Variants in MAPRE2 observed in about 807,000 individuals in gnomAD.
MAPRE2 encodes the protein microtubule-associated protein RP/EB family member 2.
A neutral mutation model predicts 43.2 loss-of-function variants in MAPRE2; 13 were observed. The ratio of observed to expected loss-of-function variants is 0.30; its 90% confidence interval spans 0.20 to 0.48. The LOEUF (loss-of-function observed/expected upper bound fraction) is 0.48, where lower values mean the gene tolerates loss of function less well. Ranked by LOEUF, MAPRE2 falls within the 20% of genes least tolerant of loss-of-function variation. The pLI is 0.99. For synonymous variants in MAPRE2, 135 were observed against 148.8 expected (o/e 0.91, Z 0.68); for missense variants, 161 against 400.2 (o/e 0.40, Z 5.10).
intron 4 of MAPRE2, among the ~76,000 whole-genome samples, chr18:35,117,559 GT>G (rs1024390891): frequency 1.3e-5 from 2 of 152,220 alleles, no homozygotes; most frequent in African/African-American, 4.8e-5. Context: ...TGATGTAGTT[GT>G]TGTGGTGACA....
At chr18:35,105,387 T>A (rs1908856968) in intron 4 of MAPRE2, among the ~76,000 whole-genome samples, 1 of 152,132 alleles carries the variant, frequency 6.6e-6, no homozygotes, top group Non-Finnish European at 1.5e-5. Context: ...AAATATGCTC[T>A]GATTTTTGGG....
chr18:35,078,016 CT>C (rs1419155809), intron 2 of MAPRE2, among the ~76,000 whole-genome samples: 3 of 151,970 alleles, frequency 2.0e-5, no homozygotes, highest in African/African-American at 7.2e-5. Flanking sequence ...TTTTTCTTTT[CT>C]CCCTTTCAGT....
intron 1 of MAPRE2, among the ~76,000 whole-genome samples, chr18:34,991,250 C>T (rs1036503960): frequency 3.9e-5 from 6 of 152,080 alleles, no homozygotes; most frequent in Non-Finnish European, 8.8e-5. Flanking sequence ...CCATTGTTCC[C>T]GTCTTTACGT....
rs957351218 is a variant in MAPRE2 at position 35,141,616 on chromosome 18, T to C, written c.*1247T>C. 15 of 151,718 alleles carry C rather than the reference T, an allele frequency of 9.9e-5. No individual in the cohort carries two copies. The highest frequency in any genetic ancestry group is 3.7e-4 in the African/African-American group (15 of 40,956). The allele number at this position is 151,718 out of a possible 1,614,324, so 9.4% of individuals were successfully genotyped here. A position where few individuals can be genotyped will look rare whatever the true frequency, so the allele number is the denominator to read the frequency against. Reference sequence around the variant, plus strand: ...AAAGCATTCCTTATTTTTTAACTAATATTTGTACATTTTCTTAGTCTCTTT... The same window carrying C: ...AAAGCATTCCTTATTTTTTAACTAACATTTGTACATTTTCTTAGTCTCTTT... On this transcript the variant is annotated 3_prime_UTR_variant, in exon 7 of 7. Coordinates refer to ENST00000300249, the MANE Select transcript of MAPRE2 (RefSeq NM_014268.4).
At chr18:35,125,771 T>G (rs1035176126) in intron 4 of MAPRE2, among the ~76,000 whole-genome samples, 1 of 152,122 alleles carries the variant, frequency 6.6e-6, no homozygotes, top group Non-Finnish European at 1.5e-5. Context: ...GTAGTGAGAG[T>G]CTATTGTGAC....
At chr18:35,054,797 A>C (rs1906132539) in intron 1 of MAPRE2, among the ~76,000 whole-genome samples, 2 of 152,210 alleles carry the variant, frequency 1.3e-5, no homozygotes, top group South Asian at 4.1e-4. Context: ...TTAACTAGCA[A>C]ACAACTAAGC....
intron 4 of MAPRE2, among the ~76,000 whole-genome samples, chr18:35,123,348 T>G (rs1746844392): frequency 6.6e-6 from 1 of 152,126 alleles, no homozygotes; most frequent in Non-Finnish European, 1.5e-5. Context: ...AGAACATGAG[T>G]GTGTCTGATG....
rs568935783 is a variant in MAPRE2 at position 35,140,168 on chromosome 18, G to A, written c.910-127G>A. 533 of 757,964 alleles carry A rather than the reference G, an allele frequency of 7.0e-4. 6 individuals are homozygous for A. The highest frequency in any genetic ancestry group is 5.0e-3 in the South Asian group (299 of 59,972). The allele number at this position is 757,964 out of a possible 1,614,324, so 47.0% of individuals were successfully genotyped here. A position where few individuals can be genotyped will look rare whatever the true frequency, so the allele number is the denominator to read the frequency against. Reference sequence around the variant, plus strand: ...CTGGGAGACGTTTGCATGGCGAGTTGTGCCTAACTAAGCCTGGTGCCCTCC... The same window carrying A: ...CTGGGAGACGTTTGCATGGCGAGTTATGCCTAACTAAGCCTGGTGCCCTCC... On this transcript the variant is annotated intron_variant, in intron 6 of 6. Coordinates refer to ENST00000300249, the MANE Select transcript of MAPRE2 (RefSeq NM_014268.4).
intron 6 of MAPRE2, among the ~76,000 whole-genome samples, chr18:35,138,886 C>T (rs183227910): frequency 4.8e-4 from 73 of 152,204 alleles, no homozygotes; most frequent in Non-Finnish European, 4.9e-4. Context: ...ATAAGTGGCT[C>T]GTGACCTTGG....
intron 5 of MAPRE2, among the ~76,000 whole-genome samples, chr18:35,129,679 C>T (rs952960792): frequency 2.6e-5 from 4 of 152,188 alleles, no homozygotes; most frequent in Non-Finnish European, 4.4e-5. Flanking sequence ...GGTGGGGCCA[C>T]GGATGGGTGT....
intron 4 of MAPRE2, among the ~76,000 whole-genome samples, chr18:35,125,143 T>G (rs1030808138): frequency 6.6e-6 from 1 of 152,232 alleles, no homozygotes; most frequent in Non-Finnish European, 1.5e-5. Context: ...AAGGCTTATA[T>G]TTAAAGGCTG....
rs192535946 is a variant in MAPRE2 at position 35,095,373 on chromosome 18, C to T, written c.251-2073C>T. 8.1e-4 allele frequency among the ~76,000 whole-genome samples: 112 copies of T among 138,230 alleles called. 1 individual carries two copies. Among genetic ancestry groups the T allele is most frequent in the African/African-American group, 3.1e-3 (99 of 31,466 alleles). 90.7% of individuals were successfully genotyped at this position (138,230 alleles called of 152,430 possible). On this transcript the variant is annotated intron_variant, in intron 2 of 6. Coordinates refer to ENST00000300249, the MANE Select transcript of MAPRE2 (RefSeq NM_014268.4). ...ACATTTTTAAGAAAATACACACACACACACACACACACACACACACACACA... is the reference window on the plus strand; with the variant it reads ...ACATTTTTAAGAAAATACACACACATACACACACACACACACACACACACA...
chr18:34,994,566 C>T (rs1319223492), intron 1 of MAPRE2, among the ~76,000 whole-genome samples: 1 of 152,090 alleles, frequency 6.6e-6, no homozygotes, highest in Non-Finnish European at 1.5e-5. Context: ...TTCATCGAGG[C>T]CGCATCCACA....
intron 5 of MAPRE2, among the ~76,000 whole-genome samples, chr18:35,128,205 A>G (rs1555922173): frequency 6.6e-6 from 1 of 152,268 alleles, no homozygotes; most frequent in Non-Finnish European, 1.5e-5. Context: ...CAAGCCATCC[A>G]GCAGGTAGGA....
intron 2 of MAPRE2, among the ~76,000 whole-genome samples, chr18:35,080,046 C>G (rs546007510): frequency 9.1e-4 from 139 of 152,284 alleles, no homozygotes; most frequent in Non-Finnish European, 4.0e-4. Context: ...TTTTGTCTTA[C>G]CCTTGTTTGG....
intron 4 of MAPRE2, among the ~76,000 whole-genome samples, chr18:35,118,365 C>G (rs771693288): frequency 1.3e-5 from 2 of 152,160 alleles, no homozygotes; most frequent in Non-Finnish European, 2.9e-5. Flanking sequence ...CTCTTAAGCC[C>G]TCCCCTTGGA....
At chr18:35,097,927 C>T (rs565670497) in intron 3 of MAPRE2, among the ~76,000 whole-genome samples, 1 of 152,198 alleles carries the variant, frequency 6.6e-6, no homozygotes, top group African/African-American at 2.4e-5. Flanking sequence ...GGAGAAACAT[C>T]ATGTCATGGC....
chr18:35,030,796 T>C (rs1245806128), intron 2 of MAPRE2, among the ~76,000 whole-genome samples: 2 of 152,040 alleles, frequency 1.3e-5, no homozygotes, highest in South Asian at 2.1e-4. Context: ...GACCTTATCT[T>C]CTACAGTTAT....
chr18:35,048,215 A>G (rs1011080032), intron 1 of MAPRE2, among the ~76,000 whole-genome samples: 2 of 152,004 alleles, frequency 1.3e-5, no homozygotes, highest in African/African-American at 2.4e-5. Context: ...GGTGCCACAC[A>G]CTTTTAGGCA....
Sources: allele counts gnomAD v4.1 joint callset (sites outside exome capture counted in the v4.1 genomes callset), GRCh38; gene constraint gnomAD v4.1.1; transcripts MANE v1.5; gene names NCBI Gene and HGNC (gene_info 2026-07-23, HGNC 2026-07-21).